The following GLRA2 variants were observed in gnomAD, a reference collection of about 807,000 sequenced individuals.
GLRA2 encodes glycine receptor subunit alpha-2.
In GLRA2, 11 loss-of-function variants were observed where a neutral mutation model predicts 31.6. The ratio of observed to expected loss-of-function variants is 0.35; its 90% confidence interval spans 0.22 to 0.58. GLRA2 has a LOEUF of 0.58. Ranked by LOEUF, GLRA2 falls within the 20% of genes least tolerant of loss-of-function variation. The pLI is 0.84. For synonymous variants in GLRA2, 132 were observed against 134.0 expected (o/e 0.99, Z 0.10); for missense variants, 212 against 351.8 (o/e 0.60, Z 3.18).
At chrX:14,725,311 A>G (rs2091917062) in intron 8 of GLRA2, among the ~76,000 whole-genome samples, 1 of 112,029 alleles carries the variant, frequency 8.9e-6, no homozygotes, top group Admixed American at 9.5e-5. Context: ...TCTTATATCC[A>G]GGTCTGTGAT....
intron 2 of GLRA2, among the ~76,000 whole-genome samples, chrX:14,548,301 T>C (rs1601699272): frequency 8.9e-6 from 1 of 111,738 alleles, no homozygotes. Context: ...ATTCCCCATC[T>C]GCAATACTTT....
At chrX:14,468,468 C>T in the GLRA2 span, among the ~76,000 whole-genome samples, 1 of 111,592 alleles carries the variant, frequency 9.0e-6, no homozygotes, top group Non-Finnish European at 1.9e-5. Flanking sequence ...CAGGGCTTCC[C>T]AAACTTATTT....
chrX:14,469,513 C>A, the GLRA2 span, among the ~76,000 whole-genome samples: 1 of 107,129 alleles, frequency 9.3e-6, no homozygotes, highest in East Asian at 3.0e-4. Context: ...TACTATGCAG[C>A]CATAAAAAAG....
intron 7 of GLRA2, among the ~76,000 whole-genome samples, chrX:14,621,635 T>C (rs1253402403): frequency 5.4e-5 from 6 of 111,464 alleles, no homozygotes; most frequent in Non-Finnish European, 9.4e-5. Flanking sequence ...TTCCTTATGA[T>C]ACTTTGCTCA....
At chrX:14,610,892 T>C (rs919210833) in intron 7 of GLRA2, among the ~76,000 whole-genome samples, 1 of 112,407 alleles carries the variant, frequency 8.9e-6, no homozygotes, top group African/African-American at 3.2e-5. Flanking sequence ...GCTAAATAAA[T>C]GTTCACTGAT....
At chrX:14,550,315 G>A (rs1031303823) in intron 2 of GLRA2, among the ~76,000 whole-genome samples, 1 of 108,904 alleles carries the variant, frequency 9.2e-6, no homozygotes, top group Non-Finnish European at 1.9e-5. Flanking sequence ...ATAAAGGAAA[G>A]GGAGACTGAA....
chrX:14,478,901 A>C, the GLRA2 span, among the ~76,000 whole-genome samples: 1 of 112,129 alleles, frequency 8.9e-6, no homozygotes. Context: ...ACATGAATAC[A>C]TTATTTGGAA....
intron 7 of GLRA2, among the ~76,000 whole-genome samples, chrX:14,629,053 A>G (rs2090617809): frequency 9.0e-6 from 1 of 111,693 alleles, no homozygotes. Context: ...TATTGAAGGT[A>G]GAATTAATGG....
At chrX:14,688,077 G>A (rs943384872) in intron 7 of GLRA2, among the ~76,000 whole-genome samples, 4 of 112,152 alleles carry the variant, frequency 3.6e-5, no homozygotes, top group African/African-American at 1.3e-4. Flanking sequence ...TCCAGATCCT[G>A]TTTGCCTGGG....
intron 8 of GLRA2, among the ~76,000 whole-genome samples, chrX:14,705,596 A>T (rs751718726): frequency 1.2e-4 from 13 of 112,482 alleles, no homozygotes; most frequent in Non-Finnish European, 1.9e-5. Flanking sequence ...TTATGAATAA[A>T]GATGTCACTC....
chrX:14,523,142 C>T, the GLRA2 span, among the ~76,000 whole-genome samples: 1 of 112,083 alleles, frequency 8.9e-6, no homozygotes, highest in African/African-American at 3.2e-5. Flanking sequence ...CTTAATAACT[C>T]GTTGTAGCTT....
intron 7 of GLRA2, among the ~76,000 whole-genome samples, chrX:14,686,241 A>G (rs941126129): frequency 9.9e-5 from 11 of 111,448 alleles, no homozygotes; most frequent in African/African-American, 3.6e-4. Context: ...ACTATGTGGA[A>G]GTAATTTTGG....
intron 7 of GLRA2, among the ~76,000 whole-genome samples, chrX:14,638,643 A>G (rs1338424067): frequency 9.0e-6 from 1 of 111,278 alleles, no homozygotes; most frequent in Non-Finnish European, 1.9e-5. Context: ...TTGCAAACAC[A>G]AAAAGCTACT....
chrX:14,521,952 C>T, the GLRA2 span, among the ~76,000 whole-genome samples: 1 of 111,905 alleles, frequency 8.9e-6, no homozygotes, highest in African/African-American at 3.2e-5. Context: ...GCTGACTAAA[C>T]AGGGTGGTGG....
chrX:14,694,918 A>G (rs765655251), intron 8 of GLRA2, among the ~76,000 whole-genome samples: 1 of 112,126 alleles, frequency 8.9e-6, no homozygotes, highest in East Asian at 2.8e-4. Flanking sequence ...TAGTGTTACC[A>G]TTTATTAAGA....
intron 5 of GLRA2, among the ~76,000 whole-genome samples, chrX:14,606,341 C>T (rs1311775687): frequency 9.0e-6 from 1 of 110,743 alleles, no homozygotes; most frequent in African/African-American, 3.3e-5. Context: ...AAAAAATTGA[C>T]AGATGATGAC....
At chrX:14,623,907 G>T (rs138451745) in intron 7 of GLRA2, among the ~76,000 whole-genome samples, 3,420 of 111,604 alleles carry the variant, frequency 0.031, 113 homozygotes, top group African/African-American at 0.096. Flanking sequence ...TTGATTGGAA[G>T]AGTTTCAGAA....
chrX:14,530,036 C>T lies in GLRA2; in HGVS notation c.-22C>T. 8.7e-7 allele frequency: 1 copy of T among 1,147,574 alleles called. No individual in the cohort carries two copies. Among genetic ancestry groups the T allele is most frequent in the South Asian group, 1.8e-5 (1 of 55,624 alleles). The allele number at this position is 1,147,574 out of a possible 1,213,427, so 94.6% of individuals were successfully genotyped here. On this transcript the variant is annotated 5_prime_UTR_variant, in exon 1 of 9. Coordinates refer to ENST00000218075, the MANE Select transcript of GLRA2 (RefSeq NM_002063.4). ...TCTGGAATCATTTCGGGATATTTTC[C>T]ACAAGCAACACAGAAACAGGAATGA... is the stretch of plus-strand genomic sequence containing the variant.
At chrX:14,554,275 C>T (rs917359272) in intron 2 of GLRA2, among the ~76,000 whole-genome samples, 1 of 111,707 alleles carries the variant, frequency 9.0e-6, no homozygotes, top group African/African-American at 3.3e-5. Context: ...TTTTAGACCT[C>T]TTGCTGACAT....
Sources: allele counts gnomAD v4.1 joint callset (sites outside exome capture counted in the v4.1 genomes callset), GRCh38; gene constraint gnomAD v4.1.1; transcripts MANE v1.5; gene names NCBI Gene and HGNC (gene_info 2026-07-23, HGNC 2026-07-21).